Variants in SLC17A9 observed in about 807,000 individuals in gnomAD.
SLC17A9 encodes the protein voltage-gated purine nucleotide uniporter SLC17A9.
A neutral mutation model predicts 55.0 loss-of-function variants in SLC17A9; 49 were observed. The ratio of observed to expected loss-of-function variants is 0.89; its 90% CI spans 0.71 to 1.13. The LOEUF (loss-of-function observed/expected upper bound fraction) is 1.13, where lower values mean the gene tolerates loss of function less well. Among genes scored for constraint, SLC17A9 ranks in the 50% most tolerant of loss-of-function variants. The pLI, the probability that SLC17A9 is intolerant of heterozygous loss-of-function variation, is 0.00. For missense variants in SLC17A9, 526 were observed against 569.3 expected (o/e 0.92, Z 0.77); for synonymous variants, 256 against 247.4 (o/e 1.03, Z -0.32).
Position 62,958,728 on chromosome 20 carries a change from G to A in SLC17A9, c.397+1148G>A, listed in dbSNP as rs971940398. On this transcript the variant is annotated intron_variant, in intron 3 of 12. Coordinates refer to ENST00000370351, the MANE Select transcript of SLC17A9 (RefSeq NM_022082.4). The surrounding 1 kb of genome is among the most constrained non-coding windows in gnomAD (Gnocchi z 4.1). ...TTTGGGGAGTTCACTCCCAGGCCTC[G>A]TTCTCCTCCCTCTCCACACCCTCAC... Among the ~76,000 whole-genome samples the A allele has an allele frequency of 6.6e-6, 1 of 152,122 alleles. No individual in the cohort carries two copies.
At chr20:62,963,708 G>A (rs779399232) in intron 7 of SLC17A9, 28 bp downstream of exon 7, 1 of 1,555,492 alleles carries the variant, frequency 6.4e-7, no homozygotes, top group South Asian at 1.2e-5. Context: ...GCAGGGTGAA[G>A]GAGCGCCCAG....
intron 12 of SLC17A9, chr20:62,967,103 A>G (rs1273531861): frequency 1.2e-5 from 7 of 585,178 alleles, no homozygotes; most frequent in Admixed American, 3.1e-5. Context: ...GACAAAGGGG[A>G]CTTGTTACCA....
Position 62,962,778 on chromosome 20 carries a change from TC to T in SLC17A9, c.628+27del. The T allele has an allele frequency of 1.9e-6, 3 of 1,611,698 alleles. No individual in the cohort carries two copies. The highest frequency in any genetic ancestry group is 2.5e-6 in the Non-Finnish European group (3 of 1,178,622). ...AGGTAACGCAGGCCGGGCGGGCTAGTCCCGGGCGCCCACAGCTGCCCAGTGC... is the reference window on the plus strand; with the variant it reads ...AGGTAACGCAGGCCGGGCGGGCTAGTCCGGGCGCCCACAGCTGCCCAGTGC... On this transcript the variant is annotated intron_variant, in intron 5 of 12. Transcript: ENST00000370351. This position sits in a 1 kb window ranked among gnomAD's most constrained non-coding sequence, Gnocchi z 5.5.
Position 62,957,562 on chromosome 20 carries a change from C to G in SLC17A9, c.379C>G (p.Leu127Val), listed in dbSNP as rs1032293856. The G allele has an allele frequency of 1.9e-6, 3 of 1,575,878 alleles. No homozygotes were observed. The change falls in exon 3 of 13, where the codon CTC (leucine) becomes GTC (valine). Residue 127 changes from leucine to valine, a missense_variant. Leu to Val is a conservative substitution (Grantham distance 32, BLOSUM62 1). Transcript: ENST00000370351. ...GGCCTTCATGACCTTCTCACGCATC[C>G]TCATGGGCTTGCTCCAAGGTAAGGG... ...HLAFMTFSRI[L>V]MGLLQGVYFP...
intron 8 of SLC17A9, among the ~76,000 whole-genome samples, chr20:62,964,652 G>A (rs2065618910): frequency 6.6e-6 from 1 of 152,224 alleles, no homozygotes. Flanking sequence ...ACGCTGGGAT[G>A]AGCCCCGAGC....
chr20:62,957,796 T>C (rs577769139), intron 3 of SLC17A9, among the ~76,000 whole-genome samples: 63 of 121,668 alleles, frequency 5.2e-4, no homozygotes, highest in African/African-American at 1.7e-3. Context: ...CCTGTGTGTG[T>C]GTGCGTGTGC....
rs2065596903 is a variant in SLC17A9 at position 62,962,489 on chromosome 20, C to T, written c.498-135C>T. 8.6e-7 allele frequency: 1 copy of T among 1,160,062 alleles called. No individual in the cohort carries two copies. The highest frequency in any genetic ancestry group is 1.6e-5 in the African/African-American group (1 of 64,286). The allele number at this position is 1,160,062 out of a possible 1,614,324, so 71.9% of individuals were successfully genotyped here. On this transcript the variant is annotated intron_variant, in intron 4 of 12. Coordinates refer to ENST00000370351, the MANE Select transcript of SLC17A9 (RefSeq NM_022082.4). The surrounding 1 kb of genome is among the most constrained non-coding windows in gnomAD (Gnocchi z 5.5). ...ACAGGCCAGGACGGTGGCTTCTGAG[C>T]TGCTCCTCTGGAGGCGATGAAAACA...
At position 62,958,689 on chromosome 20, in the gene SLC17A9, C is replaced by T. The variant is rs1024644248; in HGVS notation, c.397+1109C>T. Among the ~76,000 whole-genome samples, 17 of 152,206 alleles carry T rather than the reference C, an allele frequency of 1.1e-4. No individual in the cohort carries two copies. The highest frequency in any genetic ancestry group is 4.1e-4 in the African/African-American group (17 of 41,460). ...CTAGAACCTCTGCCCTCCCTCTCCTCCAAGTCCAGAGACTTTGGGGAGTTC... is the reference window on the plus strand; with the variant it reads ...CTAGAACCTCTGCCCTCCCTCTCCTTCAAGTCCAGAGACTTTGGGGAGTTC... On this transcript the variant is annotated intron_variant, in intron 3 of 12. Transcript: ENST00000370351. This position sits in a 1 kb window ranked among gnomAD's most constrained non-coding sequence, Gnocchi z 4.1.
chr20:62,958,349 TCA>T lies in SLC17A9; in HGVS notation c.397+773_397+774del, dbSNP rs2065560344. 1.3e-5 allele frequency among the ~76,000 whole-genome samples: 2 copies of T among 151,698 alleles called. No homozygotes were observed. Among genetic ancestry groups the T allele is most frequent in the South Asian group, 4.2e-4 (2 of 4,794 alleles). On this transcript the variant is annotated intron_variant, in intron 3 of 12. Transcript: ENST00000370351. The surrounding 1 kb of genome is among the most constrained non-coding windows in gnomAD (Gnocchi z 4.1). ...GGACTCTGGGTTTTGTGCATTTTGG[TCA>T]CACGTATGCTGATGATGCCTCCGAT...
chr20:62,960,715 G>A (rs2147652834), intron 4 of SLC17A9, 112 bp downstream of exon 4: 1 of 1,044,574 alleles, frequency 9.6e-7, no homozygotes, highest in East Asian at 2.6e-5. Flanking sequence ...GGCCACCATG[G>A]TGAGGTGGGT....
Position 62,965,736 on chromosome 20 carries a change from A to C in SLC17A9, c.1061+11A>C. 3 of 1,612,510 alleles carry C rather than the reference A, an allele frequency of 1.9e-6. No individual in the cohort carries two copies. In the South Asian group the frequency reaches 3.3e-5, roughly 18 times the overall value. Reference sequence around the variant, plus strand: ...GACCTTCAACCACAGGTGAGGGCCGACTGCTCCATCCACCAGAGCGCCGTG... The same window carrying C: ...GACCTTCAACCACAGGTGAGGGCCGCCTGCTCCATCCACCAGAGCGCCGTG... On this transcript the variant is annotated intron_variant, in intron 10 of 12. Transcript: ENST00000370351.
intron 8 of SLC17A9, chr20:62,964,869 G>C (rs45586439): frequency 3.7e-6 from 2 of 534,486 alleles, no homozygotes; most frequent in Non-Finnish European, 6.6e-6. Flanking sequence ...GCCTGTTTCC[G>C]CCTCTGTAAC....
chr20:62,956,676 C>T lies in SLC17A9; in HGVS notation c.60-89C>T, dbSNP rs1293969602. The T allele has an allele frequency of 7.9e-6, 10 of 1,263,622 alleles. 1 individual carries two copies. The African/African-American group carries it at 1.3e-4, about 17-fold the overall frequency. The allele number at this position is 1,263,622 out of a possible 1,614,324, so 78.3% of individuals were successfully genotyped here. ...CTGTCCCCATTCACAGTCCATGTCC[C>T]CCAGCCCTGAGGGAGGTCTCTGAGT... On this transcript the variant is annotated intron_variant, in intron 1 of 12. Transcript: ENST00000370351.
chr20:62,969,198 TC>T lies in SLC17A9; in HGVS notation c.*1700del, dbSNP rs907459784. 6.6e-6 allele frequency: 1 copy of T among 152,214 alleles called. No homozygotes were observed. Among genetic ancestry groups the T allele is most frequent in the Non-Finnish European group, 1.5e-5 (1 of 68,048 alleles). The allele number at this position is 152,214 out of a possible 1,614,324, so 9.4% of individuals were successfully genotyped here. On this transcript the variant is annotated 3_prime_UTR_variant, in exon 13 of 13. Coordinates refer to ENST00000370351, the MANE Select transcript of SLC17A9 (RefSeq NM_022082.4). ...CGTTGTGAATGAATTGCTGTCTCTC[TC>T]CTCCTCATCTTGCACTAAATCTACA...
At chr20:62,965,081 T>C (rs370514381) in intron 8 of SLC17A9, 51 bp from the exon 9 acceptor site, 3 of 1,609,296 alleles carry the variant, frequency 1.9e-6, no homozygotes, top group African/African-American at 1.3e-5. Flanking sequence ...CCCTCTGGGG[T>C]GTCAGCACGA....
rs201787924 is a variant in SLC17A9, at chr20:62,956,964, T to C, written c.257+2T>C. 7.4e-4 allele frequency: 1,190 copies of C among 1,613,210 alleles called. 4 individuals carry two copies. The African/African-American group carries it at 0.013, about 18-fold the overall frequency. On this transcript the variant is annotated splice_donor_variant, in intron 2 of 12. Coordinates refer to ENST00000370351, the MANE Select transcript of SLC17A9 (RefSeq NM_022082.4). LOFTEE classifies it high-confidence loss of function. ...TGTGGGCGGCCACCTCGGGGATCGG[T>C]AACTGCCCATCTTCCCCATCTCCTG...
intron 6 of SLC17A9, 37 bp from the exon 7 acceptor site, chr20:62,963,547 C>T (rs766557752): frequency 1.7e-5 from 26 of 1,562,804 alleles, no homozygotes; most frequent in African/African-American, 5.4e-5. Context: ...CCAGCTCGTG[C>T]GGCACCAGAG....
Position 62,963,382 on chromosome 20 carries a change from C to T in SLC17A9, c.725+13C>T. 1 of 1,612,138 alleles carries T rather than the reference C, an allele frequency of 6.2e-7. No homozygotes were observed. The highest frequency in any genetic ancestry group is 8.5e-7 in the Non-Finnish European group (1 of 1,179,042). On this transcript the variant is annotated intron_variant, in intron 6 of 12. Coordinates refer to ENST00000370351, the MANE Select transcript of SLC17A9 (RefSeq NM_022082.4). ...AGCCTGCTGTCTGGTGAGCTGGGAC[C>T]TGTGCCACCCCTTGGAGCAGCGGCA...
chr20:62,965,071 C>G lies in SLC17A9; in HGVS notation c.911-61C>G, dbSNP rs1007020090. 42 of 1,601,942 alleles carry G rather than the reference C, an allele frequency of 2.6e-5. 1 individual carries two copies. The African/African-American group carries it at 3.6e-4, about 14-fold the overall frequency. ...CTCTGCAGCCATTCGGGATGGGACC[C>G]CCTCTGGGGTGTCAGCACGAAAGGG... On this transcript the variant is annotated intron_variant, in intron 8 of 12. Transcript: ENST00000370351.
Sources: gnomAD v4.1 joint callset for allele counts (sites outside exome capture counted in the v4.1 genomes callset) on GRCh38, gnomAD v4.1.1 for gene constraint, Gnocchi (gnomAD v3.1) non-coding constraint, MANE v1.5 for transcripts, NCBI Gene and HGNC (gene_info 2026-07-23, HGNC 2026-07-21) for gene names.